NDST4: variants seen among roughly 807,000 people sequenced by gnomAD.
NDST4 encodes N-deacetylase and N-sulfotransferase 4, also known as N-heparan sulfate sulfotransferase 4.
NDST4 carries 63 observed loss-of-function variants against 100.8 expected under a neutral mutation model. The observed-to-expected ratio is 0.62, with a 90% CI of 0.51 to 0.77. NDST4 has a LOEUF of 0.77. Among genes scored for constraint, NDST4 ranks in the 30% least tolerant of loss-of-function variants. The probability of loss-of-function intolerance (pLI) is 0.00; values close to 1 mark genes in which losing one functional copy is unlikely to be tolerated. For missense variants in NDST4, 943 were observed against 1,018.4 expected, an observed-to-expected ratio of 0.93 and a Z score of 1.01; for synonymous variants, 377 against 361.8, an observed-to-expected ratio of 1.04 and a Z score of -0.48.
intron 6 of NDST4, among the ~76,000 whole-genome samples, chr4:114,916,574 GTGTGTGTGTT>G (rs1356209290): frequency 3.4e-5 from 5 of 146,280 alleles, no homozygotes; most frequent in African/African-American, 1.0e-4. Context: ...GTGTGTGTGT[GTGTGTGTGTT>G]TGTGTGTATG....
At chr4:114,905,353 G>A (rs899882300) in intron 6 of NDST4, among the ~76,000 whole-genome samples, 10 of 151,356 alleles carry the variant, frequency 6.6e-5, no homozygotes, top group Non-Finnish European at 1.3e-4. Context: ...ATGTTAATGG[G>A]GATTTCTTAA....
chr4:114,861,186 C>T (rs1723910643), intron 7 of NDST4, among the ~76,000 whole-genome samples: 1 of 152,186 alleles, frequency 6.6e-6, no homozygotes, highest in Non-Finnish European at 1.5e-5. Context: ...CTAATATCTA[C>T]CATAAACCTT....
At chr4:114,971,844 T>A (rs913374286) in intron 3 of NDST4, among the ~76,000 whole-genome samples, 1 of 151,930 alleles carries the variant, frequency 6.6e-6, no homozygotes, top group African/African-American at 2.4e-5. Flanking sequence ...TGGAGCAGAG[T>A]CCCTAGTTTT....
At chr4:115,074,854 T>C (rs772346003) in intron 2 of NDST4, among the ~76,000 whole-genome samples, 8 of 152,168 alleles carry the variant, frequency 5.3e-5, no homozygotes, top group Non-Finnish European at 1.0e-4. Context: ...CTTTGATTCC[T>C]TTATTATTCT....
At chr4:114,850,097 AAGAT>A (rs1723641086) in intron 8 of NDST4, among the ~76,000 whole-genome samples, 1 of 152,204 alleles carries the variant, frequency 6.6e-6, no homozygotes, top group Non-Finnish European at 1.5e-5. Flanking sequence ...GGTGGAGAGA[AAGAT>A]AGATTTGAGA....
intron 6 of NDST4, among the ~76,000 whole-genome samples, chr4:114,904,922 C>T (rs917798983): frequency 6.6e-6 from 1 of 151,832 alleles, no homozygotes; most frequent in African/African-American, 2.4e-5. Context: ...GAAAAGACCT[C>T]AAAGGGAATA....
chr4:114,942,170 T>C (rs1490325194), intron 4 of NDST4, among the ~76,000 whole-genome samples: 2 of 152,110 alleles, frequency 1.3e-5, no homozygotes, highest in Admixed American at 6.5e-5. Flanking sequence ...AAATGAAAAA[T>C]ACCAAATGCA....
chr4:114,847,184 G>A (rs902838428), intron 9 of NDST4, among the ~76,000 whole-genome samples: 27 of 144,530 alleles, frequency 1.9e-4, no homozygotes, highest in Non-Finnish European at 3.2e-4. Flanking sequence ...AGACCATCCC[G>A]GCTAAAACGG....
intron 2 of NDST4, among the ~76,000 whole-genome samples, chr4:115,021,908 T>C (rs987156612): frequency 7.5e-5 from 11 of 147,198 alleles, no homozygotes; most frequent in Non-Finnish European, 1.0e-4. Flanking sequence ...ACACATTCCA[T>C]ATATATATGT....
intron 2 of NDST4, among the ~76,000 whole-genome samples, chr4:115,055,667 G>C (rs968021314): frequency 3.9e-5 from 6 of 152,068 alleles, no homozygotes; most frequent in Admixed American, 3.9e-4. Flanking sequence ...ATTTCAATAT[G>C]TTTAATTTGA....
At chr4:114,878,742 A>G (rs1438264221) in intron 6 of NDST4, among the ~76,000 whole-genome samples, 5 of 152,198 alleles carry the variant, frequency 3.3e-5, no homozygotes, top group East Asian at 3.9e-4. Flanking sequence ...TTATAAAATG[A>G]AAAACATTGT....
At chr4:114,984,998 CA>C (rs1158364239) in intron 2 of NDST4, among the ~76,000 whole-genome samples, 3 of 152,122 alleles carry the variant, frequency 2.0e-5, no homozygotes, top group Non-Finnish European at 4.4e-5. Flanking sequence ...TATACATTAA[CA>C]AAAAACTTAT....
intron 6 of NDST4, 48 bp from the exon 7 acceptor site, chr4:114,870,998 T>C (rs17047425): frequency 0.064 from 94,417 of 1,484,078 alleles, 3,546 homozygotes; most frequent in East Asian, 0.11. Context: ...TGCTTAAGCT[T>C]AAAAGTAGCA....
chr4:115,015,347 C>T (rs1036698196), intron 2 of NDST4, among the ~76,000 whole-genome samples: 3 of 152,034 alleles, frequency 2.0e-5, no homozygotes, highest in Non-Finnish European at 2.9e-5. Context: ...ACTATAGGCT[C>T]TTTTGGGATA....
intron 2 of NDST4, among the ~76,000 whole-genome samples, chr4:114,982,919 A>G (rs1343885909): frequency 6.6e-6 from 1 of 152,150 alleles, no homozygotes; most frequent in East Asian, 1.9e-4. Flanking sequence ...AGCTCCAGCC[A>G]TGGCTAAAAC....
chr4:114,971,160 T>G (rs891875105), intron 3 of NDST4, among the ~76,000 whole-genome samples: 2 of 152,076 alleles, frequency 1.3e-5, no homozygotes, highest in Non-Finnish European at 2.9e-5. Context: ...GTTTAGCTCT[T>G]GCTGTACTAA....
chr4:114,996,969 A>G (rs28493518), intron 2 of NDST4, among the ~76,000 whole-genome samples: 2 of 152,088 alleles, frequency 1.3e-5, no homozygotes, highest in African/African-American at 4.8e-5. Context: ...AGGGTATTGT[A>G]TTAAATAGGT....
intron 2 of NDST4, among the ~76,000 whole-genome samples, chr4:115,030,987 C>G (rs1321530499): frequency 1.3e-5 from 2 of 152,080 alleles, no homozygotes; most frequent in Non-Finnish European, 2.9e-5. Flanking sequence ...ATTTCTCTTA[C>G]AATGTCATCA....
Position 114,839,438 on chromosome 4 carries a change from T to G in NDST4, c.2226A>C (p.Leu742=), listed in dbSNP as rs769565687. ...SDLKTLQRRC[L]VPGWYAVHIE... Reference sequence around the variant, plus strand: ...TGTGGACTGCATACCATCCAGGTACTAGGCATCTTCTCTGCAAAGTTTTTA... The same window carrying G: ...TGTGGACTGCATACCATCCAGGTACGAGGCATCTTCTCTGCAAAGTTTTTA... Residue 742 remains leucine (L), a synonymous_variant, in exon 11 of 14, where the codon CTA becomes CTC. Transcript: ENST00000264363. 1.2e-6 allele frequency: 2 copies of G among 1,613,860 alleles called. No homozygotes were observed. The highest frequency in any genetic ancestry group is 1.7e-6 in the Non-Finnish European group (2 of 1,179,894).
Sources: allele counts gnomAD v4.1 joint callset (sites outside exome capture counted in the v4.1 genomes callset), GRCh38; gene constraint gnomAD v4.1.1; transcripts MANE v1.5; gene names NCBI Gene and HGNC (gene_info 2026-07-23, HGNC 2026-07-21).